The following MINK1 variants were observed in gnomAD, a reference collection of about 807,000 sequenced individuals.
The protein encoded by MINK1 is misshapen like kinase 1.
A neutral mutation model predicts 178.4 loss-of-function variants in MINK1; 46 were observed. That is an observed-to-expected ratio of 0.26 (90% CI 0.20 to 0.33). MINK1 has a LOEUF of 0.33. Among genes scored for constraint, MINK1 ranks in the 10% least tolerant of loss-of-function variants. The probability of loss-of-function intolerance (pLI) is 1.00; values close to 1 mark genes in which losing one functional copy is unlikely to be tolerated. For missense variants in MINK1, 1,366 were observed against 1,814.9 expected (o/e 0.75, Z 4.49); for synonymous variants, 797 against 709.7 (o/e 1.12, Z -1.96).
chr17:4,839,939 ATGTG>A (rs34473686), intron 1 of MINK1, among the ~76,000 whole-genome samples: 12,905 of 141,660 alleles, frequency 0.091, 602 homozygotes, highest in African/African-American at 0.13. Flanking sequence ...TTATTTATTA[ATGTG>A]TGTGTGTGTG....
chr17:4,837,672 G>A (rs760403597), intron 1 of MINK1, among the ~76,000 whole-genome samples: 3 of 152,190 alleles, frequency 2.0e-5, no homozygotes, highest in East Asian at 1.9e-4. Flanking sequence ...GGCAGGCCCC[G>A]GCCTGACCTC....
At position 4,886,858 on chromosome 17, in the gene MINK1, C is replaced by G. The variant is rs1392316361; in HGVS notation, c.949+232C>G. Among the ~76,000 whole-genome samples the G allele has an allele frequency of 6.6e-6, 1 of 152,260 alleles. No individual in the cohort carries two copies. The highest frequency in any genetic ancestry group is 1.9e-4 in the East Asian group (1 of 5,198). ...CCGGCCTTTCGCATCCTTACAAAAA[C>G]TCCATGCTAAGCACATGTGTGTGCG... On this transcript the variant is annotated intron_variant, in intron 10 of 31. Transcript: ENST00000355280. This position sits in a 1 kb window ranked among gnomAD's most constrained non-coding sequence, Gnocchi z 6.1.
At chr17:4,888,399 C>T (rs188332723) in intron 12 of MINK1, among the ~76,000 whole-genome samples, 8 of 151,766 alleles carry the variant, frequency 5.3e-5, no homozygotes, top group African/African-American at 1.7e-4. Flanking sequence ...CTTTGGGAGT[C>T]GGAGGATGGG....
Position 4,896,635 on chromosome 17 carries a change from G to T in MINK1, c.3776-39G>T, listed in dbSNP as rs770993654. ...CAGCCACATGCCCCGAGGTGGCCCC[G>T]GGGTGCAGCCTGCTCAGCCCCTCAC... On this transcript the variant is annotated intron_variant, in intron 30 of 31. Coordinates refer to ENST00000355280, the MANE Select transcript of MINK1 (RefSeq NM_153827.5). The surrounding 1 kb of genome is among the most constrained non-coding windows in gnomAD (Gnocchi z 4.6). 2.5e-6 allele frequency: 4 copies of T among 1,610,254 alleles called. No homozygotes were observed. The highest frequency in any genetic ancestry group is 3.4e-6 in the Non-Finnish European group (4 of 1,177,620).
At chr17:4,877,955 C>T (rs7218213) in intron 1 of MINK1, among the ~76,000 whole-genome samples, 3 of 151,876 alleles carry the variant, frequency 2.0e-5, no homozygotes, top group Admixed American at 6.6e-5. Flanking sequence ...GGACTACAGG[C>T]GCCCGCAACC....
At chr17:4,859,352 A>G (rs1306395744) in intron 1 of MINK1, 1 of 959,474 alleles carries the variant, frequency 1.0e-6, no homozygotes, top group East Asian at 1.2e-4. Flanking sequence ...TTCCTAACCT[A>G]CCTGCTTCCC....
At chr17:4,849,636 G>C (rs537408668) in intron 1 of MINK1, among the ~76,000 whole-genome samples, 1 of 152,068 alleles carries the variant, frequency 6.6e-6, no homozygotes, top group African/African-American at 2.4e-5. Flanking sequence ...GCAATGGTGC[G>C]ATCTTGGCTC....
chr17:4,855,876 A>G (rs1913036072), intron 1 of MINK1, among the ~76,000 whole-genome samples: 1 of 151,384 alleles, frequency 6.6e-6, no homozygotes, highest in African/African-American at 2.4e-5. Context: ...CAGGAGGCTG[A>G]GGCGGGAGAA....
At chr17:4,850,743 A>G (rs974623971) in intron 1 of MINK1, among the ~76,000 whole-genome samples, 1 of 152,108 alleles carries the variant, frequency 6.6e-6, no homozygotes, top group Non-Finnish European at 1.5e-5. Context: ...GGGTTTGTGG[A>G]CACCTGACTC....
Position 4,880,708 on chromosome 17 carries a change from G to T in MINK1, c.124-276G>T, listed in dbSNP as rs369825530. Among the ~76,000 whole-genome samples, 684 of 151,046 alleles carry T rather than the reference G, an allele frequency of 4.5e-3. 3 individuals are homozygous for T. Among genetic ancestry groups the T allele is most frequent in the African/African-American group, 0.016 (665 of 41,300 alleles). ...AGGTCAGGAGATCGAGACCATCCTG[G>T]CTAACACGGTGAAACCCCATCTCTA... On this transcript the variant is annotated intron_variant, in intron 2 of 31. Coordinates refer to ENST00000355280, the MANE Select transcript of MINK1 (RefSeq NM_153827.5).
intron 1 of MINK1, among the ~76,000 whole-genome samples, chr17:4,834,383 TAC>T (rs373050353): frequency 3.0e-3 from 462 of 151,984 alleles, no homozygotes; most frequent in Non-Finnish European, 4.9e-3. Context: ...AGAGGATGTT[TAC>T]ACACACACAC....
chr17:4,844,644 C>G (rs746908566), intron 1 of MINK1: 3 of 463,414 alleles, frequency 6.5e-6, no homozygotes, highest in South Asian at 4.7e-5. Context: ...CCACGGGGCT[C>G]GTACCCAGAA....
At chr17:4,889,591 G>A in intron 12 of MINK1, 56 bp from the exon 13 acceptor site, 2 of 1,403,524 alleles carry the variant, frequency 1.4e-6, no homozygotes, top group Non-Finnish European at 2.0e-6. Flanking sequence ...CCATGGAGGG[G>A]CAGTGCTGAC....
chr17:4,866,959 G>A (rs1055404382), intron 1 of MINK1, among the ~76,000 whole-genome samples: 6 of 151,226 alleles, frequency 4.0e-5, no homozygotes, highest in Non-Finnish European at 5.9e-5. Flanking sequence ...TGTAGTCCCA[G>A]CTGCTCCGGA....
intron 2 of MINK1, among the ~76,000 whole-genome samples, chr17:4,879,316 C>G (rs1463756932): frequency 6.6e-6 from 1 of 152,192 alleles, no homozygotes; most frequent in Non-Finnish European, 1.5e-5. Context: ...TGACTGGAGC[C>G]CCCTGGGGCC....
At chr17:4,890,202 C>T in intron 13 of MINK1, 1 of 851,910 alleles carries the variant, frequency 1.2e-6, no homozygotes, top group South Asian at 2.2e-5. Flanking sequence ...CTGCCCCCCA[C>T]CCCACACCCC....
intron 1 of MINK1, chr17:4,844,467 A>C: frequency 2.2e-6 from 1 of 457,818 alleles, no homozygotes; most frequent in Non-Finnish European, 4.4e-6. Flanking sequence ...TATGAGAGAT[A>C]GTTACTGCCC....
intron 1 of MINK1, among the ~76,000 whole-genome samples, chr17:4,858,276 C>T (rs750221179): frequency 1.1e-4 from 16 of 151,890 alleles, no homozygotes; most frequent in Non-Finnish European, 2.4e-4. Flanking sequence ...GGAAAACAGG[C>T]CTATTGTTTT....
chr17:4,875,158 A>G (rs377526989), intron 1 of MINK1: 96 of 520,038 alleles, frequency 1.8e-4, no homozygotes, highest in South Asian at 8.1e-4. Context: ...AGGGAACTCT[A>G]TGGTCTTTGA....
Sources: allele counts gnomAD v4.1 joint callset (sites outside exome capture counted in the v4.1 genomes callset), GRCh38; gene constraint gnomAD v4.1.1; non-coding constraint Gnocchi (gnomAD v3.1); transcripts MANE v1.5; gene names NCBI Gene and HGNC (gene_info 2026-07-23, HGNC 2026-07-21).